The following OGA variants were observed in gnomAD, a reference collection of about 807,000 sequenced individuals.
The protein encoded by OGA is protein O-GlcNAcase.
A neutral mutation model predicts 102.0 loss-of-function variants in OGA; 21 were observed. The ratio of observed to expected loss-of-function variants is 0.21; its 90% CI spans 0.15 to 0.30. OGA has a LOEUF of 0.30. OGA is among the 10% of genes least tolerant of loss of function. The pLI, the probability that OGA is intolerant of heterozygous loss-of-function variation, is 1.00. For missense variants in OGA, 765 were observed against 1,107.8 expected (o/e 0.69, Z 4.39); for synonymous variants, 408 against 378.2 (o/e 1.08, Z -0.91).
intron 7 of OGA, among the ~76,000 whole-genome samples, chr10:101,803,254 C>T (rs776947546): frequency 3.3e-5 from 5 of 151,636 alleles, no homozygotes; most frequent in Non-Finnish European, 7.4e-5. Flanking sequence ...ATAAAATTGC[C>T]TGAAAATACA....
Position 101,806,031 on chromosome 10 carries a change from C to G in OGA, c.751+14G>C. On this transcript the variant is annotated intron_variant, in intron 6 of 15. Coordinates refer to ENST00000361464, the MANE Select transcript of OGA (RefSeq NM_012215.5). The stretch of plus-strand genomic sequence containing the variant: ...TTAATTCAACTTTGACTGTATAAAT[C>G]TTAAAAGACTTACCTGTCCAAAGCA... 6.4e-7 allele frequency: 1 copy of G among 1,552,216 alleles called. No homozygotes were observed. Among genetic ancestry groups the G allele is most frequent in the Non-Finnish European group, 8.9e-7 (1 of 1,124,182 alleles).
chr10:101,798,408 CTT>C (rs1047325578), intron 9 of OGA, among the ~76,000 whole-genome samples: 24 of 132,994 alleles, frequency 1.8e-4, no homozygotes, highest in South Asian at 1.7e-3. Context: ...AAAGAACATA[CTT>C]TTTTTTTTTT....
intron 6 of OGA, 145 bp from the exon 7 acceptor site, chr10:101,804,164 C>A (rs114590101): frequency 8.5e-6 from 4 of 469,150 alleles, no homozygotes; most frequent in Non-Finnish European, 1.1e-5. Context: ...GGCAACACAG[C>A]GAGACCCTAT....
At chr10:101,806,192 G>T in intron 5 of OGA, 49 bp from the exon 6 acceptor site, 1 of 1,186,090 alleles carries the variant, frequency 8.4e-7, no homozygotes, top group Non-Finnish European at 1.2e-6. Context: ...ATGCTCATGG[G>T]TTTTCTCTTT....
chr10:101,809,705 C>CAAA (rs373690932), intron 4 of OGA, among the ~76,000 whole-genome samples: 3 of 59,082 alleles, frequency 5.1e-5, no homozygotes, highest in African/African-American at 1.3e-4. Flanking sequence ...GACTCTGTCT[C>CAAA]AAAAAAAAAA....
Position 101,803,979 on chromosome 10 carries a change from G to T in OGA, c.792C>A (p.Ile264=), listed in dbSNP as rs368661204. 6.2e-7 allele frequency: 1 copy of T among 1,613,474 alleles called. No homozygotes were observed. Among genetic ancestry groups the T allele is most frequent in the Non-Finnish European group, 8.5e-7 (1 of 1,179,664 alleles). The change falls in exon 7 of 16, where the codon ATC becomes ATA. Residue 264 remains isoleucine, a synonymous_variant. Coordinates refer to ENST00000361464, the MANE Select transcript of OGA (RefSeq NM_012215.5). ...VVSKEIPVES[I]EEVSKIIKRA... ...TCTTAATAATCTTAGAAACCTCTTC[G>T]ATGGACTCTACTGGAATTTCTTTAG...
chr10:101,795,815 TAAA>T, intron 10 of OGA: 1 of 762,410 alleles, frequency 1.3e-6, no homozygotes, highest in Non-Finnish European at 1.6e-6. Context: ...TTAAAAAAAA[TAAA>T]AAATAAAAAA....
At chr10:101,794,064 C>A in intron 10 of OGA, 66 bp from the exon 11 acceptor site, 2 of 1,139,096 alleles carry the variant, frequency 1.8e-6, no homozygotes, top group South Asian at 1.3e-5. Flanking sequence ...CTCAAATGTC[C>A]AACAAACTGA....
Position 101,810,327 on chromosome 10 carries a change from G to C in OGA, c.350-13C>G. Reference sequence around the variant, plus strand: ...GTCATAAGTTGCTCTAAAGAACAGAGTCTATGTTTTTAGAAAGCAGAACAG... The same window carrying C: ...GTCATAAGTTGCTCTAAAGAACAGACTCTATGTTTTTAGAAAGCAGAACAG... On this transcript the variant is annotated splice_polypyrimidine_tract_variant and intron_variant, in intron 3 of 15. Coordinates refer to ENST00000361464, the MANE Select transcript of OGA (RefSeq NM_012215.5). 6.3e-7 allele frequency: 1 copy of C among 1,595,246 alleles called. No homozygotes were observed. Among genetic ancestry groups the C allele is most frequent in the Non-Finnish European group, 8.5e-7 (1 of 1,173,210 alleles).
At chr10:101,788,009 T>TA (rs1564638561) in intron 14 of OGA, 2 of 153,600 alleles carry the variant, frequency 1.3e-5, no homozygotes, top group African/African-American at 4.8e-5. Context: ...CGGGCACCTG[T>TA]AGTCCCAGCT....
chr10:101,814,610 A>T lies in OGA; in HGVS notation c.200-1004T>A, dbSNP rs1254599321. ...CTCTCTCAAAAAAAGTTCCACATACAATGATATAATCAAAGGGACCAAAAA... is the reference window on the plus strand; with the variant it reads ...CTCTCTCAAAAAAAGTTCCACATACTATGATATAATCAAAGGGACCAAAAA... On this transcript the variant is annotated intron_variant, in intron 1 of 15. Coordinates refer to ENST00000361464, the MANE Select transcript of OGA (RefSeq NM_012215.5). Among the ~76,000 whole-genome samples the T allele has an allele frequency of 1.3e-5, 2 of 152,174 alleles. 1 individual carries two copies. The highest frequency in any genetic ancestry group is 2.9e-5 in the Non-Finnish European group (2 of 68,032).
chr10:101,801,394 GAAA>G (rs769953883), intron 7 of OGA, among the ~76,000 whole-genome samples: 1 of 81,044 alleles, frequency 1.2e-5, no homozygotes, highest in African/African-American at 4.6e-5. Context: ...CTCCGTCTCA[GAAA>G]AAAAAAAAAA....
Position 101,803,844 on chromosome 10 carries a change from T to G in OGA, c.927A>C (p.Gly309=). ...ATTCACAATTTGGATTAGTGAGGAC[T>G]CCTTTTAACCGTGGGATGAGTTCTG... The part of the protein sequence containing the change: ...RSTELIPRLK[G]VLTNPNCEFE... Residue 309 remains glycine (G), a synonymous_variant, in exon 7 of 16, where the codon GGA becomes GGC. Coordinates refer to ENST00000361464, the MANE Select transcript of OGA (RefSeq NM_012215.5). 1 of 1,614,250 alleles carries G rather than the reference T, an allele frequency of 6.2e-7. No individual in the cohort carries two copies. Among genetic ancestry groups the G allele is most frequent in the South Asian group, 1.1e-5 (1 of 91,090 alleles).
rs1191825552 is a variant in OGA at position 101,784,814 on chromosome 10, G to C, written c.*1637C>G. On this transcript the variant is annotated 3_prime_UTR_variant, in exon 16 of 16. Transcript: ENST00000361464. ...GAAAACTCAGCTGTCTTACTATCTG[G>C]TAAGAGTCTTCCCTTCATCTCAAGC... The C allele has an allele frequency of 6.6e-6, 1 of 152,216 alleles. No individual in the cohort carries two copies. Among genetic ancestry groups the C allele is most frequent in the Non-Finnish European group, 1.5e-5 (1 of 68,042 alleles). 9.4% of individuals were successfully genotyped at this position (152,216 alleles called of 1,614,324 possible).
chr10:101,811,495 G>C lies in OGA; in HGVS notation c.350-1181C>G, dbSNP rs114889137. Among the ~76,000 whole-genome samples the C allele has an allele frequency of 1.6e-3, 237 of 149,810 alleles. 1 individual carries two copies. The highest frequency in any genetic ancestry group is 5.6e-3 in the African/African-American group (229 of 40,632). On this transcript the variant is annotated intron_variant, in intron 3 of 15. Transcript: ENST00000361464. ...CGGCAAGTTGACTGCTTGAGTTCAG[G>C]AGTTTGAGACCAGCACAGGCAACAT... is the stretch of plus-strand genomic sequence containing the variant.
At chr10:101,802,978 TAAAA>T (rs764237378) in intron 7 of OGA, among the ~76,000 whole-genome samples, 2 of 68,596 alleles carry the variant, frequency 2.9e-5, no homozygotes, top group Admixed American at 1.7e-4. Flanking sequence ...GTCTCTACTT[TAAAA>T]AAAAAAAAAA....
chr10:101,818,232 G>T lies in OGA; in HGVS notation c.-210C>A. ...CGGCACCGGCGCGAGCCCTTTGTCA[G>T]CCGCAGCCTCGGCTTTAAGCTGGGG... On this transcript the variant is annotated 5_prime_UTR_variant, in exon 1 of 16. The change creates a new upstream start codon in the 5' untranslated region. Transcript: ENST00000361464. 1 of 1,340,072 alleles carries T rather than the reference G, an allele frequency of 7.5e-7. No homozygotes were observed. The highest frequency in any genetic ancestry group is 9.5e-7 in the Non-Finnish European group (1 of 1,049,124). 83.0% of individuals were successfully genotyped at this position (1,340,072 alleles called of 1,614,324 possible).
intron 10 of OGA, 142 bp from the exon 11 acceptor site, chr10:101,794,140 T>C (rs946385010): frequency 9.5e-6 from 5 of 525,550 alleles, no homozygotes; most frequent in Non-Finnish European, 1.7e-5. Flanking sequence ...ATGATAATAA[T>C]TATTATTTTT....
intron 7 of OGA, among the ~76,000 whole-genome samples, chr10:101,801,345 T>A (rs2065388914): frequency 6.8e-6 from 1 of 147,500 alleles, no homozygotes; most frequent in African/African-American, 2.5e-5. Flanking sequence ...TGAGCTGAGA[T>A]CGGGCCATTG....
Sources: gnomAD v4.1 joint callset for allele counts (sites outside exome capture counted in the v4.1 genomes callset) on GRCh38, gnomAD v4.1.1 for gene constraint, MANE v1.5 for transcripts, NCBI Gene and HGNC (gene_info 2026-07-23, HGNC 2026-07-21) for gene names.